Variants in NEBL observed in about 807,000 individuals in gnomAD.
The protein encoded by NEBL is LIM and SH3 protein 2.
NEBL carries 122 observed loss-of-function variants against 140.2 expected under a neutral mutation model. That is an observed-to-expected ratio of 0.87 (90% CI 0.75 to 1.01). The LOEUF is 1.01. Ranked by LOEUF, NEBL falls within the 50% of genes least tolerant of loss-of-function variation. The pLI is 0.00. For missense variants in NEBL, 1,365 were observed against 1,231.3 expected (o/e 1.11, Z -1.62); for synonymous variants, 436 against 398.9 (o/e 1.09, Z -1.11).
At chr10:21,045,361 T>C (rs1034162933) in intron 2 of NEBL, among the ~76,000 whole-genome samples, 1 of 152,184 alleles carries the variant, frequency 6.6e-6, no homozygotes, top group African/African-American at 2.4e-5. Flanking sequence ...ACAATCTCAA[T>C]CTCGCGATAC....
At chr10:21,044,327 G>A (rs1306994669) in intron 2 of NEBL, among the ~76,000 whole-genome samples, 1 of 148,894 alleles carries the variant, frequency 6.7e-6, no homozygotes, top group East Asian at 2.0e-4. Flanking sequence ...AACCCGGGAG[G>A]CGGAGGTTGA....
intron 4 of NEBL, among the ~76,000 whole-genome samples, chr10:20,885,770 G>A (rs1010011200): frequency 6.6e-6 from 1 of 152,138 alleles, no homozygotes; most frequent in Admixed American, 6.5e-5. Context: ...CAAGTGTTGG[G>A]TTGTAATTAT....
At chr10:21,144,365 G>A (rs1023527250) in intron 2 of NEBL, among the ~76,000 whole-genome samples, 20 of 152,282 alleles carry the variant, frequency 1.3e-4, no homozygotes, top group South Asian at 1.2e-3. Context: ...CATCCAAATC[G>A]CCCTACAAGG....
At chr10:20,860,426 T>C (rs2131152887) in intron 7 of NEBL, among the ~76,000 whole-genome samples, 1 of 152,078 alleles carries the variant, frequency 6.6e-6, no homozygotes, top group African/African-American at 2.4e-5. Context: ...AAATTGTTTG[T>C]CTCCTTTTAA....
chr10:20,868,830 T>C, intron 6 of NEBL, 65 bp from the exon 7 acceptor site: 1 of 994,928 alleles, frequency 1.0e-6, no homozygotes, highest in Non-Finnish European at 1.5e-6. Flanking sequence ...ACATTGACAT[T>C]AGCCAAAAAA....
At position 21,253,834 on chromosome 10, in the gene NEBL, C is replaced by T. The variant is rs1162496684; in HGVS notation, n.183-2006G>A. On this transcript the variant is annotated intron_variant and non_coding_transcript_variant, in intron 1 of 8. Coordinates refer to the NEBL transcript ENST00000675702. Reference sequence around the variant, plus strand: ...ACTGGGATTACAGGCATGAGCCACTCGCACCTGGCCAAAATGCCAACTTTT... The same window carrying T: ...ACTGGGATTACAGGCATGAGCCACTTGCACCTGGCCAAAATGCCAACTTTT... Among the ~76,000 whole-genome samples, 4 of 152,020 alleles carry T rather than the reference C, an allele frequency of 2.6e-5. 1 individual carries two copies. Among genetic ancestry groups the T allele is most frequent in the East Asian group, 3.9e-4 (2 of 5,124 alleles).
At chr10:21,056,802 A>G (rs570433313) in intron 2 of NEBL, among the ~76,000 whole-genome samples, 2 of 152,346 alleles carry the variant, frequency 1.3e-5, no homozygotes, top group African/African-American at 4.8e-5. Flanking sequence ...CAGATTAACT[A>G]TAAAAGAAAG....
Position 21,254,455 on chromosome 10 carries a change from T to G in NEBL, n.183-2627A>C, listed in dbSNP as rs79885804. Among the ~76,000 whole-genome samples, 193 of 152,236 alleles carry G rather than the reference T, an allele frequency of 1.3e-3. 2 individuals carry two copies. The East Asian group carries it at 0.026, about 21-fold the overall frequency. ...TAATTGTTTATTGTCTTTTGTTTTTTTTTTCTTTGAGATGTTGTCACCCTG... is the reference window on the plus strand; with the variant it reads ...TAATTGTTTATTGTCTTTTGTTTTTGTTTTCTTTGAGATGTTGTCACCCTG... On this transcript the variant is annotated intron_variant and non_coding_transcript_variant, in intron 1 of 8. Coordinates refer to the NEBL transcript ENST00000675702.
intron 3 of NEBL, among the ~76,000 whole-genome samples, chr10:21,017,465 CT>C (rs1472441710): frequency 5.9e-5 from 9 of 152,146 alleles, no homozygotes; most frequent in African/African-American, 2.2e-4. Flanking sequence ...TCCCACAGAT[CT>C]TTGGACATCT....
At chr10:21,232,260 T>C (rs924898337) in intron 3 of NEBL, among the ~76,000 whole-genome samples, 2 of 152,082 alleles carry the variant, frequency 1.3e-5, no homozygotes, top group Non-Finnish European at 2.9e-5. Flanking sequence ...ATACAGAACT[T>C]GGATTTGACT....
At chr10:21,210,563 T>G (rs1841898767) in intron 3 of NEBL, among the ~76,000 whole-genome samples, 1 of 152,246 alleles carries the variant, frequency 6.6e-6, no homozygotes, top group African/African-American at 2.4e-5. Context: ...TATGTATATT[T>G]TTACAAACAA....
chr10:20,803,205 T>C (rs1228075515), intron 26 of NEBL, among the ~76,000 whole-genome samples: 2 of 152,202 alleles, frequency 1.3e-5, no homozygotes, highest in Non-Finnish European at 2.9e-5. Flanking sequence ...CACTGTAGGA[T>C]GACTATAGTT....
In NEBL at chr10:21,278,162, C is replaced by T. The variant is rs372486935; in HGVS notation, n.182+14668G>A. 3.6e-4 allele frequency among the ~76,000 whole-genome samples: 55 copies of T among 152,276 alleles called. No individual in the cohort carries two copies. In the East Asian group the frequency reaches 5.8e-3, roughly 16 times the overall value. ...ATGCATGCAAAGATCTGATTTGAGC[C>T]GGGCATGGTGGTGCACACATGCAGT... On this transcript the variant is annotated intron_variant and non_coding_transcript_variant, in intron 1 of 8. Coordinates refer to the NEBL transcript ENST00000675702.
chr10:20,908,176 A>G lies in NEBL; in HGVS notation c.357+53496T>C, dbSNP rs928435095. 3.3e-5 allele frequency among the ~76,000 whole-genome samples: 5 copies of G among 152,224 alleles called. No homozygotes were observed. In the South Asian group the frequency reaches 1.0e-3, roughly 32 times the overall value. ...CACCCATTTCACAGATGAGGTCACT[A>G]GGATTTAGACTGATAACTTGCCCAA... is the stretch of plus-strand genomic sequence containing the variant. On this transcript the variant is annotated intron_variant, in intron 4 of 6. Coordinates refer to the NEBL transcript ENST00000417816.
intron 2 of NEBL, among the ~76,000 whole-genome samples, chr10:21,105,939 G>T (rs950755890): frequency 2.0e-5 from 3 of 152,146 alleles, no homozygotes; most frequent in Non-Finnish European, 4.4e-5. Flanking sequence ...GATCACCAGT[G>T]ATGATGAGCA....
intron 4 of NEBL, among the ~76,000 whole-genome samples, chr10:20,918,357 C>CA (rs1263680500): frequency 2.0e-5 from 3 of 151,352 alleles, no homozygotes; most frequent in South Asian, 2.1e-4. Context: ...GACTCTGTCT[C>CA]AAAAAAAAGA....
chr10:21,192,343 C>A (rs1021055801), intron 3 of NEBL, among the ~76,000 whole-genome samples: 20 of 151,696 alleles, frequency 1.3e-4, no homozygotes, highest in Admixed American at 6.6e-5. Context: ...AGGCACCCAC[C>A]ACCACGCCTG....
intron 2 of NEBL, among the ~76,000 whole-genome samples, chr10:21,035,891 G>A (rs620853): frequency 0.61 from 92,063 of 151,974 alleles, 27,965 homozygotes; most frequent in East Asian, 0.73. Context: ...GGCTGGGCAC[G>A]GTAGCTTAGG....
At chr10:20,914,150 A>G (rs967694594) in intron 4 of NEBL, among the ~76,000 whole-genome samples, 6 of 152,226 alleles carry the variant, frequency 3.9e-5, no homozygotes, top group Admixed American at 1.3e-4. Context: ...TTGGTGACCA[A>G]TGAGAATGTG....
Sources: gnomAD v4.1 joint callset for allele counts (sites outside exome capture counted in the v4.1 genomes callset) on GRCh38, gnomAD v4.1.1 for gene constraint, MANE v1.5 for transcripts, NCBI Gene and HGNC (gene_info 2026-07-23, HGNC 2026-07-21) for gene names.